Variants in PTBP3 observed in about 807,000 individuals in gnomAD.
The protein encoded by PTBP3 is polypyrimidine tract-binding protein 3.
PTBP3 carries 20 observed loss-of-function variants against 58.7 expected under a neutral mutation model. That is an observed-to-expected ratio of 0.34 (90% CI 0.24 to 0.50). The LOEUF (loss-of-function observed/expected upper bound fraction) is 0.50. Ranked by LOEUF, PTBP3 falls within the 20% of genes least tolerant of loss-of-function variation. The pLI, the probability that PTBP3 is intolerant of heterozygous loss-of-function variation, is 0.98. For synonymous variants in PTBP3, 185 were observed against 219.8 expected (o/e 0.84, Z 1.40); for missense variants, 509 against 637.2 (o/e 0.80, Z 2.17).
the PTBP3 span, among the ~76,000 whole-genome samples, chr9:112,373,981 T>G: frequency 6.7e-6 from 1 of 149,114 alleles, no homozygotes. Context: ...CAGGTCGTGG[T>G]TTTTTTTTCC....
intron 5 of PTBP3, among the ~76,000 whole-genome samples, chr9:112,257,584 G>C (rs1208909706): frequency 1.3e-5 from 2 of 152,146 alleles, no homozygotes; most frequent in African/African-American, 4.8e-5. Context: ...TCTTCAGAGT[G>C]ATTTTTTATA....
intron 2 of PTBP3, among the ~76,000 whole-genome samples, chr9:112,283,423 C>T (rs760840326): frequency 6.6e-6 from 1 of 152,168 alleles, no homozygotes; most frequent in Non-Finnish European, 1.5e-5. Context: ...GGAACTGGAA[C>T]CAAGGACACT....
intron 2 of PTBP3, among the ~76,000 whole-genome samples, chr9:112,295,042 C>A (rs1224777469): frequency 6.6e-6 from 1 of 151,982 alleles, no homozygotes; most frequent in Non-Finnish European, 1.5e-5. Flanking sequence ...GAGTTCGAGC[C>A]CAACCTGGCC....
chr9:112,281,739 T>C (rs535641591), intron 2 of PTBP3, among the ~76,000 whole-genome samples: 2 of 152,234 alleles, frequency 1.3e-5, no homozygotes, highest in African/African-American at 4.8e-5. Context: ...ATCTGAGTTT[T>C]CTATTGCTTT....
intron 3 of PTBP3, among the ~76,000 whole-genome samples, chr9:112,268,712 C>CAAAAAAAAAA (rs56196327): frequency 1.1e-5 from 1 of 94,064 alleles, no homozygotes. Context: ...GACACCGTCT[C>CAAAAAAAAAA]AAAAAAAAAA....
chr9:112,323,669 T>C (rs142799485), intron 1 of PTBP3, among the ~76,000 whole-genome samples: 93 of 152,324 alleles, frequency 6.1e-4, no homozygotes, highest in African/African-American at 2.2e-3. Flanking sequence ...TGGACACGGC[T>C]GAGGAAGGAA....
chr9:112,370,873 T>C, the PTBP3 span, among the ~76,000 whole-genome samples: 1 of 152,212 alleles, frequency 6.6e-6, no homozygotes, highest in Non-Finnish European at 1.5e-5. Flanking sequence ...TGTATTTTAT[T>C]CATTTTGATG....
the PTBP3 span, among the ~76,000 whole-genome samples, chr9:112,346,143 T>C: frequency 7.8e-6 from 1 of 128,258 alleles, no homozygotes; most frequent in Non-Finnish European, 1.7e-5. Flanking sequence ...TCTTGGCAAA[T>C]ATAAAAACTT....
intron 8 of PTBP3, 102 bp from the exon 9 acceptor site, chr9:112,232,340 A>G (rs1339240091): frequency 8.3e-6 from 10 of 1,198,584 alleles, no homozygotes; most frequent in Non-Finnish European, 1.1e-5. Context: ...CTACAGAAAG[A>G]AAATGTGTCA....
intron 5 of PTBP3, among the ~76,000 whole-genome samples, chr9:112,258,830 A>G (rs924858048): frequency 2.6e-5 from 4 of 151,934 alleles, no homozygotes; most frequent in Non-Finnish European, 5.9e-5. Flanking sequence ...ACATAGCAAG[A>G]CCCTATCTCT....
chr9:112,332,871 G>T, intron 1 of PTBP3: 1 of 1,609,588 alleles, frequency 6.2e-7, no homozygotes, highest in Non-Finnish European at 8.5e-7. Flanking sequence ...CCCTGGTGTC[G>T]AGAAAGCGTT....
chr9:112,343,932 A>AT, the PTBP3 span, among the ~76,000 whole-genome samples: 4 of 151,456 alleles, frequency 2.6e-5, no homozygotes, highest in South Asian at 4.2e-4. Flanking sequence ...TATTTTACCC[A>AT]TTTTTTTTCA....
Position 112,219,716 on chromosome 9 carries a change from A to G in PTBP3, c.*4135T>C, listed in dbSNP as rs1834738580. ...ACTATATAGTACATATTTCCTGAAA[A>G]CCAGAATACTGATACTACTTTAGTC... On this transcript the variant is annotated 3_prime_UTR_variant, in exon 14 of 14. Coordinates refer to ENST00000374257, the MANE Select transcript of PTBP3 (RefSeq NM_001163788.4). 6.5e-6 allele frequency: 1 copy of G among 152,780 alleles called. No homozygotes were observed. Among genetic ancestry groups the G allele is most frequent in the African/African-American group, 2.4e-5 (1 of 41,440 alleles). 9.5% of individuals were successfully genotyped at this position (152,780 alleles called of 1,614,324 possible).
chr9:112,333,017 G>A, intron 1 of PTBP3: 1 of 1,272,722 alleles, frequency 7.9e-7, no homozygotes, highest in Non-Finnish European at 9.9e-7. Context: ...TCGGCCGCTC[G>A]CCCCACCTCG....
At chr9:112,307,989 G>A (rs1829300797) in intron 1 of PTBP3, among the ~76,000 whole-genome samples, 2 of 152,210 alleles carry the variant, frequency 1.3e-5, no homozygotes, top group South Asian at 2.1e-4. Context: ...GTTAGTGTTA[G>A]TGTATTTTAT....
intron 3 of PTBP3, 91 bp from the exon 4 acceptor site, chr9:112,268,286 T>G (rs1827194870): frequency 7.6e-7 from 1 of 1,317,616 alleles, no homozygotes; most frequent in Non-Finnish European, 1.0e-6. Flanking sequence ...TCTAAACCCA[T>G]GCACTCTCAA....
chr9:112,360,356 T>A, the PTBP3 span, among the ~76,000 whole-genome samples: 2 of 152,082 alleles, frequency 1.3e-5, no homozygotes, highest in Non-Finnish European at 2.9e-5. Flanking sequence ...GCTTAATTTT[T>A]AAATTTTTTT....
At chr9:112,270,078 G>C (rs1432992296) in intron 3 of PTBP3, among the ~76,000 whole-genome samples, 1 of 151,874 alleles carries the variant, frequency 6.6e-6, no homozygotes, top group Admixed American at 6.6e-5. Context: ...ACAAGTGGCT[G>C]GGATTACAAG....
chr9:112,325,246 A>G (rs7866875), intron 1 of PTBP3, among the ~76,000 whole-genome samples: 129,168 of 152,170 alleles, frequency 0.85, 55,244 homozygotes, highest in African/African-American at 0.95. Flanking sequence ...ATACGCCCAC[A>G]GTGAAAAATT....
Sources: allele counts gnomAD v4.1 joint callset (sites outside exome capture counted in the v4.1 genomes callset), GRCh38; gene constraint gnomAD v4.1.1; transcripts MANE v1.5; gene names NCBI Gene and HGNC (gene_info 2026-07-23, HGNC 2026-07-21).